THADA: variants seen among roughly 807,000 people sequenced by gnomAD.
THADA encodes the protein tRNA (32-2'-O)-methyltransferase regulator THADA.
Under a neutral mutation model 219.8 loss-of-function variants are expected in THADA, and 213 were observed. The ratio of observed to expected loss-of-function variants is 0.97; its 90% CI spans 0.87 to 1.09. THADA has a LOEUF of 1.09. Among genes scored for constraint, THADA ranks in the 50% least tolerant of loss-of-function variants. THADA has a pLI of 0.00. For synonymous variants in THADA, 1,018 were observed against 828.9 expected (o/e 1.23, Z -3.92); for missense variants, 2,956 against 2,311.3 (o/e 1.28, Z -5.72).
chr2:43,508,606 A>T, intron 23 of THADA, 42 bp downstream of exon 23: 1 of 1,596,130 alleles, frequency 6.3e-7, no homozygotes, highest in Non-Finnish European at 8.5e-7. Context: ...TATCATCAAA[A>T]GACAAATATA....
At chr2:43,586,822 C>A in intron 5 of THADA, 32 bp downstream of exon 5, 1 of 1,611,796 alleles carries the variant, frequency 6.2e-7, no homozygotes. Flanking sequence ...GAGGGGTTAG[C>A]CAGAAAAAGG....
At chr2:43,298,248 C>T (rs1249549734) in intron 31 of THADA, among the ~76,000 whole-genome samples, 2 of 81,768 alleles carry the variant, frequency 2.4e-5, no homozygotes, top group Admixed American at 1.1e-4. Context: ...TTTTGTTCTG[C>T]ACTAAGAAAA....
rs1048040053 is a variant in THADA, at chr2:43,301,688, G to A, written c.4439-8475C>T. On this transcript the variant is annotated intron_variant, in intron 31 of 37. Transcript: ENST00000405975. ...GAAAGCACATTACATTAATCTGAGA[G>A]CTTTAGAAAAATACTCATGTCAGGG... is the stretch of plus-strand genomic sequence containing the variant. Among the ~76,000 whole-genome samples, 4 of 152,304 alleles carry A rather than the reference G, an allele frequency of 2.6e-5. No homozygotes were observed. The East Asian group carries it at 7.7e-4, about 29-fold the overall frequency.
At chr2:43,249,908 G>A (rs1346903315) in intron 36 of THADA, among the ~76,000 whole-genome samples, 4 of 152,128 alleles carry the variant, frequency 2.6e-5, no homozygotes, top group Non-Finnish European at 5.9e-5. Flanking sequence ...CCAATTCTCA[G>A]TGTCTTGGGA....
At position 43,363,928 on chromosome 2, in the gene THADA, A is replaced by T. The variant is rs546707312; in HGVS notation, c.4228-19691T>A. The stretch of plus-strand genomic sequence containing the variant: ...AGAGCAAGATCTTCTCTCTATAAAA[A>T]TAAAAAAATTAGGCCAGGCATGGTG... On this transcript the variant is annotated intron_variant, in intron 29 of 37. Transcript: ENST00000405975. 9.8e-5 allele frequency among the ~76,000 whole-genome samples: 15 copies of T among 152,324 alleles called. No homozygotes were observed. In the East Asian group the frequency reaches 2.7e-3, roughly 27 times the overall value.
chr2:43,240,909 G>A (rs1183308293), intron 36 of THADA, among the ~76,000 whole-genome samples: 2 of 152,170 alleles, frequency 1.3e-5, no homozygotes, highest in African/African-American at 4.8e-5. Context: ...GTCCCAGCAT[G>A]CACTGGGCCA....
At chr2:43,419,073 G>C (rs528511830) in intron 28 of THADA, among the ~76,000 whole-genome samples, 68 of 152,242 alleles carry the variant, frequency 4.5e-4, no homozygotes, top group African/African-American at 1.6e-3. Flanking sequence ...GGGTGGAGTG[G>C]GTTTCTCCAT....
chr2:43,298,618 A>T (rs75405828), intron 31 of THADA, among the ~76,000 whole-genome samples: 1 of 151,916 alleles, frequency 6.6e-6, no homozygotes, highest in East Asian at 1.9e-4. Context: ...AAAAAAAAAA[A>T]TTGTAATTAA....
chr2:43,300,948 G>C (rs899199309), intron 31 of THADA, among the ~76,000 whole-genome samples: 3 of 152,190 alleles, frequency 2.0e-5, no homozygotes, highest in Non-Finnish European at 4.4e-5. Context: ...CAAGCTCACA[G>C]GTGAAGCTGC....
chr2:43,586,741 AG>A lies in THADA; in HGVS notation c.452-8del, dbSNP rs768420619. The A allele has an allele frequency of 1.9e-6, 3 of 1,612,532 alleles. No homozygotes were observed. The East Asian group carries it at 6.7e-5, about 36-fold the overall frequency. ...TTATTAACACTTGCTCTACCTGTAG[AG>A]GAAAAAATGAACACTGGTAAGGAGT... On this transcript the variant is annotated splice_polypyrimidine_tract_variant and splice_region_variant and intron_variant, in intron 5 of 37. Coordinates refer to ENST00000405975, the MANE Select transcript of THADA (RefSeq NM_022065.5).
At chr2:43,587,905 T>A (rs1264328220) in intron 4 of THADA, among the ~76,000 whole-genome samples, 1 of 152,226 alleles carries the variant, frequency 6.6e-6, no homozygotes, top group African/African-American at 2.4e-5. Context: ...TCAATTTATA[T>A]ACATCAAAAC....
intron 29 of THADA, among the ~76,000 whole-genome samples, chr2:43,395,985 G>C (rs980123473): frequency 6.6e-6 from 1 of 152,186 alleles, no homozygotes; most frequent in Non-Finnish European, 1.5e-5. Context: ...TTGAACTCCT[G>C]GCCTCAAGTG....
chr2:43,524,617 A>G (rs1272341858), intron 22 of THADA, among the ~76,000 whole-genome samples: 1 of 152,226 alleles, frequency 6.6e-6, no homozygotes, highest in Admixed American at 6.5e-5. Context: ...TTCTTTTAAA[A>G]ATAAAAACCA....
chr2:43,516,410 T>C (rs1691730933), intron 22 of THADA, among the ~76,000 whole-genome samples: 1 of 152,136 alleles, frequency 6.6e-6, no homozygotes, highest in Non-Finnish European at 1.5e-5. Context: ...CAGTCATAAT[T>C]GGTTTACCTG....
intron 21 of THADA, among the ~76,000 whole-genome samples, chr2:43,532,677 T>C (rs1457009614): frequency 6.6e-6 from 1 of 152,150 alleles, no homozygotes; most frequent in Non-Finnish European, 1.5e-5. Flanking sequence ...AAGCATTCCC[T>C]TTGAAAACCG....
intron 36 of THADA, among the ~76,000 whole-genome samples, chr2:43,233,615 G>C (rs1490121616): frequency 6.6e-6 from 1 of 152,080 alleles, no homozygotes; most frequent in Admixed American, 6.5e-5. Flanking sequence ...TTGGACCCTT[G>C]TTTTCCTGGG....
intron 8 of THADA, 76 bp downstream of exon 8, chr2:43,581,665 T>G (rs531328770): frequency 3.9e-6 from 5 of 1,292,960 alleles, no homozygotes; most frequent in Non-Finnish European, 3.3e-6. Context: ...TTTCACACTA[T>G]TAGTAGGAAA....
chr2:43,463,702 T>C (rs975597342), intron 26 of THADA, among the ~76,000 whole-genome samples: 11 of 106,166 alleles, frequency 1.0e-4, no homozygotes, highest in African/African-American at 6.2e-4. Context: ...CAAATTCCAA[T>C]GGTGCCAATG....
chr2:43,444,505 T>G (rs1271465097), intron 26 of THADA, among the ~76,000 whole-genome samples: 1 of 152,220 alleles, frequency 6.6e-6, no homozygotes, highest in Non-Finnish European at 1.5e-5. Context: ...TTTTAGAGCA[T>G]CTGAGCTTTG....
Sources: gnomAD v4.1 joint callset for allele counts (sites outside exome capture counted in the v4.1 genomes callset) on GRCh38, gnomAD v4.1.1 for gene constraint, MANE v1.5 for transcripts, NCBI Gene and HGNC (gene_info 2026-07-23, HGNC 2026-07-21) for gene names.